Variants in CDC6 observed in about 807,000 individuals in gnomAD.
CDC6 encodes DNA replication factor CDC6.
A neutral mutation model predicts 60.2 loss-of-function variants in CDC6; 46 were observed. The observed-to-expected ratio is 0.76, with a 90% CI of 0.60 to 0.98. The LOEUF is 0.98. CDC6 is among the 50% of genes least tolerant of loss of function. The pLI, the probability that CDC6 is intolerant of heterozygous loss-of-function variation, is 0.00. For synonymous variants in CDC6, 210 were observed against 233.2 expected (o/e 0.90, Z 0.90); for missense variants, 596 against 652.9 (o/e 0.91, Z 0.95).
intron 5 of CDC6, 57 bp from the exon 6 acceptor site, chr17:40,293,893 C>T: frequency 7.0e-7 from 1 of 1,432,792 alleles, no homozygotes; most frequent in Non-Finnish European, 9.9e-7. Flanking sequence ...CAGCCTATAT[C>T]AAACATTAGA....
In CDC6 at chr17:40,295,354, A is replaced by G; in HGVS notation, c.1084-2A>G. On this transcript the variant is annotated splice_acceptor_variant, in intron 7 of 11. Transcript: ENST00000209728. LOFTEE classifies it high-confidence loss of function. ...CTGTCATCTTCTATGTCTTGTCTGA[A>G]GGTATCTAGAGATCAGGTTCTGGAC... The G allele has an allele frequency of 6.3e-7, 1 of 1,591,852 alleles. No individual in the cohort carries two copies. The highest frequency in any genetic ancestry group is 8.6e-7 in the Non-Finnish European group (1 of 1,159,766).
intron 4 of CDC6, 103 bp downstream of exon 4, chr17:40,291,771 A>C: frequency 1.6e-6 from 2 of 1,235,994 alleles, no homozygotes; most frequent in Non-Finnish European, 1.2e-6. Context: ...TTTGAGACGG[A>C]GTCTCGCTCT....
Position 40,302,282 on chromosome 17 carries a change from C to T in CDC6, c.*281C>T. 1 of 449,952 alleles carries T rather than the reference C, an allele frequency of 2.2e-6. No homozygotes were observed. The highest frequency in any genetic ancestry group is 4.1e-6 in the Non-Finnish European group (1 of 246,072). 27.9% of individuals were successfully genotyped at this position (449,952 alleles called of 1,614,324 possible). A position where few individuals can be genotyped will look rare whatever the true frequency, so the allele number is the denominator to read the frequency against. ...CCAATGTGCTTGCAAGTGTACAGAT[C>T]TGTGTAGAGGAATGTGTGTATATTT... On this transcript the variant is annotated 3_prime_UTR_variant, in exon 12 of 12. Coordinates refer to ENST00000209728, the MANE Select transcript of CDC6 (RefSeq NM_001254.4).
At chr17:40,299,920 C>T (rs1283174503) in intron 9 of CDC6, among the ~76,000 whole-genome samples, 7 of 152,090 alleles carry the variant, frequency 4.6e-5, no homozygotes, top group Admixed American at 4.6e-4. Context: ...CACATTTAGC[C>T]ACTCATTTGA....
At chr17:40,298,618 G>T (rs189121340) in intron 9 of CDC6, among the ~76,000 whole-genome samples, 209 of 152,182 alleles carry the variant, frequency 1.4e-3, no homozygotes, top group South Asian at 3.5e-3. Flanking sequence ...GCCCAGGCTG[G>T]TCTCAAACTC....
intron 9 of CDC6, among the ~76,000 whole-genome samples, chr17:40,297,521 C>G (rs34113740): frequency 6.6e-6 from 1 of 152,090 alleles, no homozygotes. Flanking sequence ...GACTTAAAAC[C>G]TAGATGACAG....
chr17:40,293,540 G>C lies in CDC6; in HGVS notation c.745G>C (p.Glu249Gln), dbSNP rs145734080. Residue 249 changes from glutamate to glutamine, a missense_variant, in exon 5 of 12, where the codon GAG becomes CAG. Physicochemically the swap from Glu to Gln is conservative, Grantham distance 29 (BLOSUM62 2). Transcript: ENST00000209728. ...AQAVFPAIAQ[E>Q]ICQEEVSRPA... ...GGCTGTATTCCCAGCTATTGCTCAG[G>C]AGATTTGTCAGGAAGAGGTATCCAG... 3 of 1,613,828 alleles carry C rather than the reference G, an allele frequency of 1.9e-6. No homozygotes were observed. The Admixed American group carries it at 5.0e-5, about 27-fold the overall frequency.
intron 8 of CDC6, 92 bp downstream of exon 8, chr17:40,295,548 A>G: frequency 1.1e-6 from 1 of 896,636 alleles, no homozygotes; most frequent in Non-Finnish European, 1.8e-6. Flanking sequence ...ATGTGGCTTA[A>G]GAGGCTCTGT....
rs200615472 is a variant in CDC6, at chr17:40,294,461, C to G, written c.1041C>G (p.Thr347=). The G allele has an allele frequency of 6.2e-7, 1 of 1,613,958 alleles. No individual in the cohort carries two copies. The highest frequency in any genetic ancestry group is 1.7e-5 in the Admixed American group (1 of 60,022). ...AGCTGTTGAACTTCCCACCTTATAC[C>G]AGAAATCAGATAGTCACTATTTTGC... ...KPQLLNFPPY[T]RNQIVTILQD... The change falls in exon 7 of 12, where the codon ACC becomes ACG. Residue 347 remains threonine (T), a synonymous_variant. Transcript: ENST00000209728.
At chr17:40,299,160 TTTTTTTG>T (rs2032901843) in intron 9 of CDC6, among the ~76,000 whole-genome samples, 1 of 138,128 alleles carries the variant, frequency 7.2e-6, no homozygotes, top group African/African-American at 2.8e-5. Context: ...TTTTTTTTTT[TTTTTTTG>T]AGACAGGGTC....
At chr17:40,291,749 TTTG>T in intron 4 of CDC6, 81 bp downstream of exon 4, 2 of 1,463,128 alleles carry the variant, frequency 1.4e-6, no homozygotes, top group Non-Finnish European at 9.5e-7. Flanking sequence ...TTTGTTTTGT[TTTG>T]TTTTGTTTTT....
intron 9 of CDC6, among the ~76,000 whole-genome samples, chr17:40,298,613 G>C (rs963017896): frequency 6.6e-6 from 1 of 152,024 alleles, no homozygotes; most frequent in African/African-American, 2.4e-5. Context: ...ATGTTGCCCA[G>C]GCTGGTCTCA....
intron 9 of CDC6, among the ~76,000 whole-genome samples, chr17:40,299,342 G>C (rs1025992873): frequency 1.3e-5 from 2 of 151,228 alleles, no homozygotes; most frequent in Non-Finnish European, 2.9e-5. Flanking sequence ...TAGCGATGGG[G>C]GAAACCCATC....
At chr17:40,299,000 T>TGGTAATGTAATATTATAGAA (rs1172328472) in intron 9 of CDC6, among the ~76,000 whole-genome samples, 1 of 152,102 alleles carries the variant, frequency 6.6e-6, no homozygotes, top group Non-Finnish European at 1.5e-5. Flanking sequence ...CATCCCTTTG[T>TGGTAATGTAATATTATAGAA]GGTAATGTAA....
rs370762936 is a variant in CDC6 at position 40,295,417 on chromosome 17, C to G, written c.1145C>G (p.Ala382Gly). ...AVQFCARKVS[A>G]VSGDVRKALD... ...CAATTCTGTGCCCGCAAAGTCTCTG[C>G]TGTTTCAGGAGATGTTCGCAAAGCA... The change falls in exon 8 of 12, where the codon GCT (alanine) becomes GGT (glycine). Residue 382 changes from alanine to glycine, a missense_variant. Ala to Gly is a moderately conservative substitution (Grantham distance 60). Coordinates refer to ENST00000209728, the MANE Select transcript of CDC6 (RefSeq NM_001254.4). The G allele has an allele frequency of 5.0e-6, 8 of 1,613,158 alleles. No individual in the cohort carries two copies. The African/African-American group carries it at 1.1e-4, about 22-fold the overall frequency.
At chr17:40,291,856 C>T (rs1316161595) in intron 4 of CDC6, among the ~76,000 whole-genome samples, 188 bp downstream of exon 4, 1 of 152,204 alleles carries the variant, frequency 6.6e-6, no homozygotes, top group East Asian at 1.9e-4. Context: ...CGCCATTCTC[C>T]TGCCTCAGCC....
chr17:40,298,373 T>G (rs2032889369), intron 9 of CDC6, among the ~76,000 whole-genome samples: 1 of 151,634 alleles, frequency 6.6e-6, no homozygotes, highest in African/African-American at 2.4e-5. Flanking sequence ...ACTTCTGGTT[T>G]GTGCGGGATT....
intron 9 of CDC6, 51 bp from the exon 10 acceptor site, chr17:40,300,777 C>T: frequency 7.5e-7 from 1 of 1,339,510 alleles, no homozygotes; most frequent in Non-Finnish European, 1.1e-6. Context: ...CATACATACA[C>T]ACACACAGTA....
Position 40,300,963 on chromosome 17 carries a change from A to G in CDC6, c.1385A>G (p.Lys462Arg). 6.2e-7 allele frequency: 1 copy of G among 1,614,100 alleles called. No homozygotes were observed. Among genetic ancestry groups the G allele is most frequent in the Non-Finnish European group, 8.5e-7 (1 of 1,179,932 alleles). ...GAQDSFPLQQ[K>R]ILVCSLMLLI... Reference sequence around the variant, plus strand: ...CAAGATTCCTTCCCTCTTCAGCAGAAGATCTTGGTTTGCTCTTTGATGCTC... The same window carrying G: ...CAAGATTCCTTCCCTCTTCAGCAGAGGATCTTGGTTTGCTCTTTGATGCTC... Residue 462 changes from lysine to arginine, a missense_variant, in exon 10 of 12, where the codon AAG (lysine) becomes AGG (arginine). Lys to Arg is a conservative substitution (Grantham distance 26). Transcript: ENST00000209728.
Sources: gnomAD v4.1 joint callset for allele counts (sites outside exome capture counted in the v4.1 genomes callset) on GRCh38, gnomAD v4.1.1 for gene constraint, MANE v1.5 for transcripts, NCBI Gene and HGNC (gene_info 2026-07-23, HGNC 2026-07-21) for gene names.